CFAP70: variants seen among roughly 807,000 people sequenced by gnomAD.
CFAP70 encodes cilia and flagella associated protein 70.
In CFAP70, 81 loss-of-function variants were observed where a neutral mutation model predicts 137.6. That is an observed-to-expected ratio of 0.59 (90% CI 0.49 to 0.71). The LOEUF is 0.71. Among genes scored for constraint, CFAP70 ranks in the 30% least tolerant of loss-of-function variants. CFAP70 has a pLI of 0.00. For missense variants in CFAP70, 976 were observed against 1,226.7 expected (o/e 0.80, Z 3.05); for synonymous variants, 382 against 423.6 (o/e 0.90, Z 1.20).
At chr10:73,258,445 T>C (rs1589234284) in intron 25 of CFAP70, among the ~76,000 whole-genome samples, 2 of 152,264 alleles carry the variant, frequency 1.3e-5, no homozygotes, top group East Asian at 3.8e-4. Context: ...CCATCATCTT[T>C]GTAAACTGAG....
At chr10:73,324,425 G>T (rs1280173278) in intron 8 of CFAP70, among the ~76,000 whole-genome samples, 3 of 152,240 alleles carry the variant, frequency 2.0e-5, no homozygotes, top group African/African-American at 4.8e-5. Context: ...AAAAAGCAGA[G>T]TGCCTCTCCT....
intron 24 of CFAP70, 37 bp from the exon 26 acceptor site, chr10:73,269,752 T>C (rs1399447356): frequency 7.5e-7 from 1 of 1,328,236 alleles, no homozygotes; most frequent in African/African-American, 1.4e-5. Context: ...TTAGCTTAGC[T>C]GAAACCACTA....
intron 8 of CFAP70, among the ~76,000 whole-genome samples, chr10:73,329,706 C>G (rs60062940): frequency 0.15 from 23,203 of 152,058 alleles, 2,872 homozygotes; most frequent in African/African-American, 0.32. Flanking sequence ...ATGGCTTTTA[C>G]CTTTAGTTCA....
intron 19 of CFAP70, among the ~76,000 whole-genome samples, chr10:73,289,488 G>A (rs2048002984): frequency 6.6e-6 from 1 of 151,850 alleles, no homozygotes; most frequent in African/African-American, 2.4e-5. Flanking sequence ...GTTTCACCAT[G>A]TTAGCCAGGA....
chr10:73,362,528 G>GTTTTGT (rs2055052804), upstream of CFAP70, among the ~76,000 whole-genome samples: 2 of 152,120 alleles, frequency 1.3e-5, no homozygotes, highest in South Asian at 4.2e-4. Flanking sequence ...TTTTTGTTTT[G>GTTTTGT]TTTTTTGTAG....
intron 4 of CFAP70, among the ~76,000 whole-genome samples, chr10:73,347,608 G>C (rs1177844236): frequency 1.3e-5 from 2 of 152,084 alleles, no homozygotes; most frequent in African/African-American, 4.8e-5. Flanking sequence ...TAAGATAAAA[G>C]GAAGAATAGG....
intron 12 of CFAP70, among the ~76,000 whole-genome samples, chr10:73,300,952 CA>C (rs2048904147): frequency 6.6e-6 from 1 of 152,152 alleles, no homozygotes; most frequent in Admixed American, 6.5e-5. Flanking sequence ...ACAAAATAGA[CA>C]AAAATTCTTA....
intron 25 of CFAP70, among the ~76,000 whole-genome samples, chr10:73,267,017 T>C (rs1173449334): frequency 9.8e-5 from 15 of 152,348 alleles, no homozygotes; most frequent in Non-Finnish European, 4.4e-5. Context: ...AGGCTATAAA[T>C]TACCCTCTAT....
intron 3 of CFAP70, among the ~76,000 whole-genome samples, chr10:73,351,540 C>G (rs2054272000): frequency 6.6e-6 from 1 of 152,128 alleles, no homozygotes; most frequent in Non-Finnish European, 1.5e-5. Context: ...TTAAGTGATT[C>G]TCCTGCCTCA....
At chr10:73,298,879 G>A (rs1452384660) in intron 14 of CFAP70, 28 bp downstream of exon 15, 1 of 1,601,028 alleles carries the variant, frequency 6.2e-7, no homozygotes, top group African/African-American at 1.3e-5. Flanking sequence ...AAACACCCAT[G>A]GAGTAATTAA....
At chr10:73,361,654 A>G (rs1233616140), upstream of CFAP70, among the ~76,000 whole-genome samples, 1 of 152,210 alleles carries the variant, frequency 6.6e-6, no homozygotes, top group Non-Finnish European at 1.5e-5. Context: ...TGAATGCCTT[A>G]GTCTGAGTTT....
At chr10:73,289,654 G>A (rs1484398947) in intron 19 of CFAP70, among the ~76,000 whole-genome samples, 1 of 152,104 alleles carries the variant, frequency 6.6e-6, no homozygotes, top group East Asian at 1.9e-4. Flanking sequence ...AAAAGATTAT[G>A]TTAGGCCTTT....
At chr10:73,261,358 A>G (rs1225531160) in intron 25 of CFAP70, among the ~76,000 whole-genome samples, 1 of 152,158 alleles carries the variant, frequency 6.6e-6, no homozygotes, top group Non-Finnish European at 1.5e-5. Context: ...TGATAAAGAC[A>G]TACCAGAGAC....
intron 9 of CFAP70, among the ~76,000 whole-genome samples, chr10:73,318,873 G>C (rs1437690186): frequency 6.6e-6 from 1 of 152,176 alleles, no homozygotes; most frequent in Non-Finnish European, 1.5e-5. Flanking sequence ...AGTATTTCAA[G>C]CTTTTGAATA....
intron 19 of CFAP70, among the ~76,000 whole-genome samples, chr10:73,284,970 CA>C (rs1220165881): frequency 6.6e-6 from 1 of 150,716 alleles, no homozygotes; most frequent in African/African-American, 2.4e-5. Flanking sequence ...GAGGGTTTGC[CA>C]CACCACTTCA....
intron 5 of CFAP70, among the ~76,000 whole-genome samples, chr10:73,342,911 CTAAA>C (rs2053379038): frequency 1.3e-5 from 2 of 151,468 alleles, no homozygotes; most frequent in Admixed American, 1.3e-4. Flanking sequence ...CCCATCTCTA[CTAAA>C]AATACAAAAA....
chr10:73,361,021 T>C (rs2054983625), upstream of CFAP70, among the ~76,000 whole-genome samples: 1 of 151,358 alleles, frequency 6.6e-6, no homozygotes, highest in Admixed American at 6.6e-5. Context: ...TTTTTTAAGA[T>C]GGAGTCTCAC....
At chr10:73,331,553 T>C (rs1045219266) in intron 7 of CFAP70, among the ~76,000 whole-genome samples, 1 of 152,086 alleles carries the variant, frequency 6.6e-6, no homozygotes, top group African/African-American at 2.4e-5. Context: ...TGGCAGTGAA[T>C]ACCTGTGGTC....
At chr10:73,301,919 A>G (rs917587627) in intron 12 of CFAP70, among the ~76,000 whole-genome samples, 2 of 152,224 alleles carry the variant, frequency 1.3e-5, no homozygotes, top group Non-Finnish European at 2.9e-5. Context: ...GAACAAAATG[A>G]AAGAAAAGGT....
Sources: gnomAD v4.1 joint callset for allele counts (sites outside exome capture counted in the v4.1 genomes callset) on GRCh38, gnomAD v4.1.1 for gene constraint, MANE v1.5 for transcripts, NCBI Gene and HGNC (gene_info 2026-07-23, HGNC 2026-07-21) for gene names.